UBP1: variants seen among roughly 807,000 people sequenced by gnomAD.
UBP1 encodes upstream binding protein 1, also known as upstream-binding protein 1.
A neutral mutation model predicts 76.1 loss-of-function variants in UBP1; 22 were observed. That is an observed-to-expected ratio of 0.29 (90% CI 0.21 to 0.41). UBP1 has a LOEUF of 0.41. UBP1 is among the 10% of genes least tolerant of loss of function. The probability of loss-of-function intolerance (pLI) is 1.00; values close to 1 mark genes in which losing one functional copy is unlikely to be tolerated. For missense variants in UBP1, 436 were observed against 668.1 expected, an observed-to-expected ratio of 0.65 and a Z score of 3.83; for synonymous variants, 224 against 237.1, an observed-to-expected ratio of 0.94 and a Z score of 0.51.
intron 15 of UBP1, 39 bp downstream of exon 15, chr3:33,392,524 T>C (rs375476861): frequency 2.5e-5 from 39 of 1,578,666 alleles, no homozygotes; most frequent in Non-Finnish European, 3.4e-5. Flanking sequence ...CCATCTCTCA[T>C]GATTCCAGCA....
At chr3:33,416,676 G>T in intron 3 of UBP1, 82 bp downstream of exon 3, 1 of 1,070,656 alleles carries the variant, frequency 9.3e-7, no homozygotes, top group Non-Finnish European at 1.3e-6. Flanking sequence ...AACAATTATT[G>T]AAGTGAAATT....
At chr3:33,425,865 G>GTT in intron 1 of UBP1, 124 bp from the exon 2 acceptor site, 30 of 684,574 alleles carry the variant, frequency 4.4e-5, no homozygotes, top group Middle Eastern at 6.0e-4. Flanking sequence ...TTTAGGGATA[G>GTT]TTTTTTTTTT....
chr3:33,426,050 A>G (rs1378608197), intron 1 of UBP1, among the ~76,000 whole-genome samples: 3 of 122,048 alleles, frequency 2.5e-5, no homozygotes, highest in Non-Finnish European at 5.1e-5. Flanking sequence ...GCACTTTAAA[A>G]ACTTCTTTTA....
At chr3:33,401,214 G>T (rs2044217242) in intron 9 of UBP1, among the ~76,000 whole-genome samples, 198 bp from the exon 10 acceptor site, 1 of 152,156 alleles carries the variant, frequency 6.6e-6, no homozygotes, top group African/African-American at 2.4e-5. Flanking sequence ...AGACACAGAA[G>T]ACTGTGTCTT....
intron 11 of UBP1, among the ~76,000 whole-genome samples, chr3:33,398,814 T>C (rs2044111263): frequency 6.6e-6 from 1 of 152,252 alleles, no homozygotes; most frequent in Admixed American, 6.5e-5. Context: ...TTCTATGTGC[T>C]ATGCTTTTCA....
Position 33,392,579 on chromosome 3 carries a change from TAA to T in UBP1, c.1567_1568del (p.Leu523IlefsTer7). 1 of 1,611,708 alleles carries T rather than the reference TAA, an allele frequency of 6.2e-7. No homozygotes were observed. Among genetic ancestry groups the T allele is most frequent in the Non-Finnish European group, 8.5e-7 (1 of 1,179,158 alleles). The part of the protein sequence containing the change: ...VQNFQDESCF[L>X]FSTVKAESSD... ...GCAAAGTACCTTTTACTGTGGAGAA[TAA>T]AAAACAACTCTCATCTTGAAAATTC... On this transcript the variant is annotated frameshift_variant, in exon 15 of 16. Transcript: ENST00000283629. LOFTEE classifies it high-confidence loss of function.
At chr3:33,420,956 A>C (rs952828352) in intron 2 of UBP1, among the ~76,000 whole-genome samples, 4 of 152,194 alleles carry the variant, frequency 2.6e-5, no homozygotes, top group African/African-American at 7.2e-5. Flanking sequence ...TTGGTCTCCA[A>C]ATGAAAATGT....
intron 1 of UBP1, among the ~76,000 whole-genome samples, chr3:33,432,193 G>T (rs911488929): frequency 6.6e-6 from 1 of 151,688 alleles, no homozygotes; most frequent in Non-Finnish European, 1.5e-5. Flanking sequence ...GCATGGTGGC[G>T]CATACTCATA....
In UBP1 at chr3:33,439,803, C is replaced by A; in HGVS notation, c.46G>T (p.Val16Leu). The A allele has an allele frequency of 6.2e-7, 1 of 1,612,834 alleles. No individual in the cohort carries two copies. The highest frequency in any genetic ancestry group is 8.5e-7 in the Non-Finnish European group (1 of 1,179,728). ...GAGAGGCTGGCGTCGAAGTCGTGCA[C>A]CAGCCCGGACTCGATCACCTCGTCC... is the stretch of plus-strand genomic sequence containing the variant. ...KMDEVIESGL[V>L]HDFDASLSGI... The change falls in exon 1 of 16, where the codon GTG (valine) becomes TTG (leucine). Residue 16 changes from valine to leucine, a missense_variant. Around this residue, in one of 3 missense-constraint regions of UBP1, gnomAD observed 161 missense variants for 237.9 expected, o/e 0.68. Coordinates refer to ENST00000283629, the MANE Select transcript of UBP1 (RefSeq NM_014517.5).
intron 1 of UBP1, among the ~76,000 whole-genome samples, chr3:33,430,091 TA>T (rs1185360241): frequency 3.3e-5 from 5 of 152,032 alleles, no homozygotes; most frequent in South Asian, 4.1e-4. Flanking sequence ...TCACTGAGGA[TA>T]GGGGGGAAAA....
At chr3:33,422,135 A>G (rs984511725) in intron 2 of UBP1, among the ~76,000 whole-genome samples, 3 of 152,254 alleles carry the variant, frequency 2.0e-5, no homozygotes, top group African/African-American at 7.2e-5. Flanking sequence ...TGTTTGTCTT[A>G]TTACTTTAAA....
intron 10 of UBP1, among the ~76,000 whole-genome samples, chr3:33,400,696 GAGA>G (rs2044192460): frequency 6.6e-6 from 1 of 152,104 alleles, no homozygotes; most frequent in African/African-American, 2.4e-5. Context: ...GAGAGAGGAT[GAGA>G]AGAACTGGAT....
chr3:33,439,724 G>A lies in UBP1; in HGVS notation c.113+12C>T, dbSNP rs376615171. On this transcript the variant is annotated intron_variant, in intron 1 of 15. Transcript: ENST00000283629. ...GAGACAGAGGCTTCTCCCCGCCCAGGGAGCCCAGTACCTCATGCTGTAAGC... is the reference window on the plus strand; with the variant it reads ...GAGACAGAGGCTTCTCCCCGCCCAGAGAGCCCAGTACCTCATGCTGTAAGC... 1.9e-6 allele frequency: 3 copies of A among 1,610,064 alleles called. No individual in the cohort carries two copies. The highest frequency in any genetic ancestry group is 2.5e-6 in the Non-Finnish European group (3 of 1,178,434).
chr3:33,434,137 A>G (rs546346967), intron 1 of UBP1, among the ~76,000 whole-genome samples: 2 of 152,284 alleles, frequency 1.3e-5, no homozygotes, highest in Non-Finnish European at 2.9e-5. Context: ...AAACTGTACT[A>G]TATCTTACAG....
chr3:33,394,191 T>A (rs868179753), intron 13 of UBP1, among the ~76,000 whole-genome samples: 15 of 143,428 alleles, frequency 1.0e-4, no homozygotes, highest in Non-Finnish European at 1.7e-4. Flanking sequence ...CTGGCTAATT[T>A]TTATTATTAT....
chr3:33,418,134 A>G (rs1220178562), intron 2 of UBP1, among the ~76,000 whole-genome samples: 2 of 152,268 alleles, frequency 1.3e-5, no homozygotes, highest in East Asian at 1.9e-4. Flanking sequence ...TGAAGAATAT[A>G]AAGTTTTGAA....
Position 33,393,364 on chromosome 3 carries a change from T to C in UBP1, c.1481A>G (p.Asn494Ser). The part of the protein sequence containing the change: ...LVFNIPLHQI[N>S]QVYRQGPTGI... ...GGTGGGACCCTGTCTGTAAACCTGA[T>C]TAATTTGGTGGAGAGGGATATTAAA... Residue 494 changes from asparagine (N) to serine (S), a missense_variant, in exon 14 of 16, where the codon AAT becomes AGT. Asn to Ser is a conservative substitution (Grantham distance 46). Around this residue, in one of 3 missense-constraint regions of UBP1, gnomAD observed 210 missense variants for 272.8 expected, o/e 0.77. Coordinates refer to ENST00000283629, the MANE Select transcript of UBP1 (RefSeq NM_014517.5). The C allele has an allele frequency of 6.2e-7, 1 of 1,613,246 alleles. No individual in the cohort carries two copies.
intron 8 of UBP1, among the ~76,000 whole-genome samples, chr3:33,407,774 C>A (rs2154057005): frequency 6.6e-6 from 1 of 152,290 alleles, no homozygotes; most frequent in East Asian, 1.9e-4. Flanking sequence ...TCCTCTGGTA[C>A]TTTAATAGTG....
At chr3:33,428,010 C>T (rs769475482) in intron 1 of UBP1, among the ~76,000 whole-genome samples, 2 of 151,970 alleles carry the variant, frequency 1.3e-5, no homozygotes, top group African/African-American at 4.8e-5. Context: ...GGGGAAACCC[C>T]GTCTCTACTA....
Sources: gnomAD v4.1 joint callset for allele counts (sites outside exome capture counted in the v4.1 genomes callset) on GRCh38, gnomAD v4.1.1 for gene constraint, gnomAD v4.1.1 regional missense constraint, MANE v1.5 for transcripts, NCBI Gene and HGNC (gene_info 2026-07-23, HGNC 2026-07-21) for gene names.